The following SRP68 variants were observed in gnomAD, a reference collection of about 807,000 sequenced individuals.
SRP68 encodes the protein signal recognition particle subunit SRP68.
SRP68 carries 15 observed loss-of-function variants against 82.2 expected under a neutral mutation model. That is an observed-to-expected ratio of 0.18 (90% CI 0.12 to 0.28). The LOEUF is 0.28. Ranked by LOEUF, SRP68 falls within the 10% of genes least tolerant of loss-of-function variation. The pLI is 1.00. For missense variants in SRP68, 595 were observed against 780.5 expected (o/e 0.76, Z 2.83); for synonymous variants, 261 against 292.6 (o/e 0.89, Z 1.10).
At chr17:76,067,941 T>C (rs2066819435) in intron 2 of SRP68, among the ~76,000 whole-genome samples, 1 of 152,006 alleles carries the variant, frequency 6.6e-6, no homozygotes, top group Non-Finnish European at 1.5e-5. Context: ...TGAAAGGACA[T>C]GGGTAATCAT....
chr17:76,061,300 T>TA (rs1261050134), intron 5 of SRP68, 81 bp from the exon 6 acceptor site: 1 of 1,071,146 alleles, frequency 9.3e-7, no homozygotes, highest in Non-Finnish European at 1.4e-6. Flanking sequence ...AAAAACAAAT[T>TA]ATGGCCTTTT....
Position 76,062,729 on chromosome 17 carries a change from TTATATATATATATATA to T in SRP68, c.562-1171_562-1156del, listed in dbSNP as rs200522360. Among the ~76,000 whole-genome samples the T allele has an allele frequency of 1.4e-4, 2 of 14,514 alleles. 1 individual carries two copies. The allele number at this position is 14,514 out of a possible 152,430, so 9.5% of individuals were successfully genotyped here. On this transcript the variant is annotated intron_variant, in intron 4 of 15. Coordinates refer to ENST00000307877, the MANE Select transcript of SRP68 (RefSeq NM_014230.4). ...TATTATACAATATATTATATTTATTTTATATATATATATATATATATATATATATATATATAAAATA... is the reference window on the plus strand; with the variant it reads ...TATTATACAATATATTATATTTATTTTATATATATATATATATATAAAATA...
intron 2 of SRP68, 144 bp downstream of exon 2, chr17:76,070,234 A>C (rs545985173): frequency 0.019 from 13,036 of 704,562 alleles, 192 homozygotes; most frequent in Middle Eastern, 0.026. Context: ...AAAAAAAAAA[A>C]AAAAACAAAG....
At chr17:76,061,258 T>C (rs1174454418) in intron 5 of SRP68, 39 bp from the exon 6 acceptor site, 3 of 1,422,066 alleles carry the variant, frequency 2.1e-6, no homozygotes, top group South Asian at 1.2e-5. Context: ...ATCAGCCTTA[T>C]ATAAGAAAAA....
At chr17:76,057,570 G>A (rs2066721431) in intron 7 of SRP68, 27 bp from the exon 8 acceptor site, 1 of 1,613,250 alleles carries the variant, frequency 6.2e-7, no homozygotes, top group Non-Finnish European at 8.5e-7. Flanking sequence ...AAAAGTTAAA[G>A]CTTTAACTGG....
At chr17:76,069,109 C>T (rs935758662) in intron 2 of SRP68, among the ~76,000 whole-genome samples, 1 of 151,674 alleles carries the variant, frequency 6.6e-6, no homozygotes, top group African/African-American at 2.4e-5. Context: ...CTTCAGGGGC[C>T]GGGCGTGGTG....
At position 76,048,099 on chromosome 17, in the gene SRP68, C is replaced by T. The variant is rs542603030; in HGVS notation, c.1078-129G>A. The T allele has an allele frequency of 6.8e-6, 3 of 438,180 alleles. No individual in the cohort carries two copies. In the East Asian group the frequency reaches 1.1e-4, roughly 16 times the overall value. The allele number at this position is 438,180 out of a possible 1,614,324, so 27.1% of individuals were successfully genotyped here. ...CAAACTCTAGTAAGACAGGAGTCCT[C>T]AAATATCAAAGATCTATACTTGACA... is the stretch of plus-strand genomic sequence containing the variant. On this transcript the variant is annotated intron_variant, in intron 9 of 15. Transcript: ENST00000307877.
At chr17:76,042,352 C>T (rs2066597694) in intron 13 of SRP68, among the ~76,000 whole-genome samples, 1 of 151,804 alleles carries the variant, frequency 6.6e-6, no homozygotes, top group Non-Finnish European at 1.5e-5. Flanking sequence ...GCCTGTAATC[C>T]TAGCACTTTG....
In SRP68 at chr17:76,061,215, T is replaced by C. The variant is rs2066749926; in HGVS notation, c.649A>G (p.Ile217Val). 6.2e-7 allele frequency: 1 copy of C among 1,605,168 alleles called. No individual in the cohort carries two copies. Among genetic ancestry groups the C allele is most frequent in the Admixed American group, 1.7e-5 (1 of 59,526 alleles). Residue 217 changes from isoleucine to valine, a missense_variant, in exon 6 of 16, where the codon ATC becomes GTC. Coordinates refer to ENST00000307877, the MANE Select transcript of SRP68 (RefSeq NM_014230.4). ...AAAGCACTGGCTAGCTTCTCATAGA[T>C]AGTTCTGCGAGAAAAGAAAAGCCAG... ...AIEAFNKCKT[I>V]YEKLASAFTE...
At chr17:76,069,098 A>C (rs1183269718) in intron 2 of SRP68, among the ~76,000 whole-genome samples, 1 of 151,868 alleles carries the variant, frequency 6.6e-6, no homozygotes, top group Non-Finnish European at 1.5e-5. Flanking sequence ...TTTCAATACT[A>C]CTTCAGGGGC....
In SRP68 at chr17:76,046,041, T is replaced by A; in HGVS notation, c.1296A>T (p.Leu432Phe). Residue 432 changes from leucine to phenylalanine, a missense_variant, in exon 11 of 16, where the codon TTA becomes TTT. Physicochemically the swap from Leu to Phe is conservative, Grantham distance 22. This residue lies in a region of SRP68 where 495 missense variants were observed against 688.6 expected (regional missense o/e 0.72). Transcript: ENST00000307877. ...QDLIRLYDIILQNLVELLQLP... is the reference protein window; with the variant it reads ...QDLIRLYDIIFQNLVELLQLP... ...CTTCCCGGTCCTCAAGGGTCACCTG[T>A]AAGATGATGTCATAGAGTCGGATCA... is the stretch of plus-strand genomic sequence containing the variant. 3 of 1,613,868 alleles carry A rather than the reference T, an allele frequency of 1.9e-6. No individual in the cohort carries two copies. The highest frequency in any genetic ancestry group is 2.5e-6 in the Non-Finnish European group (3 of 1,179,872).
At chr17:76,059,106 A>T (rs1407346611) in intron 7 of SRP68, among the ~76,000 whole-genome samples, 2 of 152,144 alleles carry the variant, frequency 1.3e-5, no homozygotes, top group African/African-American at 4.8e-5. Flanking sequence ...AAAGTTAGCT[A>T]GGAGTGGTAA....
intron 1 of SRP68, among the ~76,000 whole-genome samples, chr17:76,070,850 G>GCACACGCACA (rs2066846813): frequency 2.7e-5 from 4 of 146,780 alleles, no homozygotes; most frequent in East Asian, 2.0e-4. Context: ...ACATGCACAT[G>GCACACGCACA]CACACACACA....
chr17:76,053,659 T>C, intron 8 of SRP68: 1 of 985,320 alleles, frequency 1.0e-6, no homozygotes, highest in Non-Finnish European at 1.2e-6. Context: ...AAAAAGTCGA[T>C]TTGAAGGGCG....
intron 2 of SRP68, among the ~76,000 whole-genome samples, chr17:76,068,784 G>C (rs2066826443): frequency 6.6e-6 from 1 of 151,914 alleles, no homozygotes; most frequent in Non-Finnish European, 1.5e-5. Flanking sequence ...ATTTTTTTGA[G>C]ACAGAGTCTC....
chr17:76,053,485 G>A (rs1336640751), intron 8 of SRP68: 1 of 985,108 alleles, frequency 1.0e-6, no homozygotes, highest in African/African-American at 1.7e-5. Context: ...CTGTCGGTAG[G>A]GTACAGTTCA....
Position 76,050,445 on chromosome 17 carries a change from C to G in SRP68, c.1060G>C (p.Glu354Gln). ...GGTCCTACCTGATCTGGCTTGAGCTCCTCCCGAACCACCTGGATGGCGTCC... is the reference window on the plus strand; with the variant it reads ...GGTCCTACCTGATCTGGCTTGAGCTGCTCCCGAACCACCTGGATGGCGTCC... ...CRDAIQVVRE[E>Q]LKPDQKQRDY... Residue 354 changes from glutamate (E) to glutamine (Q), a missense_variant, in exon 9 of 16, where the codon GAG becomes CAG. Physicochemically the swap from Glu to Gln is conservative, Grantham distance 29. Coordinates refer to ENST00000307877, the MANE Select transcript of SRP68 (RefSeq NM_014230.4). The G allele has an allele frequency of 2.5e-6, 4 of 1,613,756 alleles. No homozygotes were observed. Among genetic ancestry groups the G allele is most frequent in the Middle Eastern group, 1.7e-4 (1 of 6,058 alleles).
Position 76,052,869 on chromosome 17 carries a change from T to A in SRP68, c.979-2343A>T, listed in dbSNP as rs144832372. 8.6e-4 allele frequency among the ~76,000 whole-genome samples: 123 copies of A among 143,552 alleles called. No individual in the cohort carries two copies. In the East Asian group the frequency reaches 0.023, roughly 27 times the overall value. 94.2% of individuals were successfully genotyped at this position (143,552 alleles called of 152,430 possible). A position where few individuals can be genotyped will look rare whatever the true frequency, so the allele number is the denominator to read the frequency against. On this transcript the variant is annotated intron_variant, in intron 8 of 15. Transcript: ENST00000307877. Reference sequence around the variant, plus strand: ...GTGCAGCAAACCACCATGGCACATATATACCTATATAACAAACCTGCATGT... The same window carrying A: ...GTGCAGCAAACCACCATGGCACATAAATACCTATATAACAAACCTGCATGT...
chr17:76,050,008 G>C (rs760993463), intron 9 of SRP68, among the ~76,000 whole-genome samples: 18 of 152,206 alleles, frequency 1.2e-4, no homozygotes, highest in Non-Finnish European at 2.1e-4. Flanking sequence ...AGAAACAGGT[G>C]AAGCAACAAT....
Sources: allele counts gnomAD v4.1 joint callset (sites outside exome capture counted in the v4.1 genomes callset), GRCh38; gene constraint gnomAD v4.1.1; regional missense constraint gnomAD v4.1.1; transcripts MANE v1.5; gene names NCBI Gene and HGNC (gene_info 2026-07-23, HGNC 2026-07-21).